SLC25A21: variants seen among roughly 807,000 people sequenced by gnomAD.
The protein encoded by SLC25A21 is solute carrier family 25 member 21, also known as mitochondrial 2-oxodicarboxylate carrier.
A neutral mutation model predicts 43.8 loss-of-function variants in SLC25A21; 47 were observed. The observed-to-expected ratio is 1.07, with a 90% CI of 0.85 to 1.37. The LOEUF (loss-of-function observed/expected upper bound fraction) is 1.37. Among genes scored for constraint, SLC25A21 ranks in the 40% most tolerant of loss-of-function variants. SLC25A21 has a pLI of 0.00. For missense variants in SLC25A21, 352 were observed against 350.2 expected, an observed-to-expected ratio of 1.00 and a Z score of -0.04; for synonymous variants, 131 against 121.3, an observed-to-expected ratio of 1.08 and a Z score of -0.52.
intron 1 of SLC25A21, among the ~76,000 whole-genome samples, chr14:36,969,670 T>C (rs1279847717): frequency 6.7e-6 from 1 of 148,346 alleles, no homozygotes; most frequent in Non-Finnish European, 1.5e-5. Flanking sequence ...AAAAAAAAAA[T>C]TTATGGAGAT....
chr14:37,137,702 T>G (rs546749422), intron 1 of SLC25A21, among the ~76,000 whole-genome samples: 1 of 152,352 alleles, frequency 6.6e-6, no homozygotes, highest in African/African-American at 2.4e-5. Context: ...ATCAATACTA[T>G]GTAGTCGGCC....
chr14:37,048,837 T>A (rs1961644646), intron 1 of SLC25A21, among the ~76,000 whole-genome samples: 1 of 152,222 alleles, frequency 6.6e-6, no homozygotes, highest in Admixed American at 6.5e-5. Flanking sequence ...ATTTAGCCAC[T>A]GAGACCAATA....
At chr14:37,037,519 A>T (rs1373839367) in intron 1 of SLC25A21, among the ~76,000 whole-genome samples, 1 of 151,858 alleles carries the variant, frequency 6.6e-6, no homozygotes, top group East Asian at 1.9e-4. Context: ...TGAGTTTGGA[A>T]TTCCTCCTGT....
At chr14:37,043,464 CCTTA>C (rs1961516993) in intron 1 of SLC25A21, among the ~76,000 whole-genome samples, 1 of 152,214 alleles carries the variant, frequency 6.6e-6, no homozygotes, top group Non-Finnish European at 1.5e-5. Flanking sequence ...TGTGAGCCCT[CCTTA>C]CTATCACCTC....
chr14:37,151,905 T>C (rs1963765408), intron 1 of SLC25A21, among the ~76,000 whole-genome samples: 1 of 152,048 alleles, frequency 6.6e-6, no homozygotes, highest in Admixed American at 6.6e-5. Context: ...CAGGGTGGCA[T>C]GTGCCTGTAA....
chr14:36,929,904 G>A (rs1892242087), intron 1 of SLC25A21, among the ~76,000 whole-genome samples: 1 of 152,100 alleles, frequency 6.6e-6, no homozygotes, highest in Admixed American at 6.6e-5. Flanking sequence ...CCAATATTGG[G>A]TTATTAGAAG....
At chr14:36,887,540 GC>G (rs1208501460) in intron 1 of SLC25A21, among the ~76,000 whole-genome samples, 3 of 142,904 alleles carry the variant, frequency 2.1e-5, no homozygotes, top group Admixed American at 7.3e-5. Context: ...TCCAGCCTGG[GC>G]AAGACAGCAA....
chr14:36,794,893 C>T (rs1266333599), intron 3 of SLC25A21, among the ~76,000 whole-genome samples: 2 of 151,422 alleles, frequency 1.3e-5, no homozygotes, highest in Non-Finnish European at 2.9e-5. Context: ...TAATTAAAAT[C>T]TCATAAATTT....
intron 1 of SLC25A21, among the ~76,000 whole-genome samples, chr14:37,015,329 A>G (rs919076116): frequency 1.3e-5 from 2 of 151,210 alleles, no homozygotes; most frequent in African/African-American, 4.9e-5. Flanking sequence ...GCTGAGAATG[A>G]TGATTTCCAA....
At chr14:36,872,971 T>C (rs1304062452) in intron 2 of SLC25A21, among the ~76,000 whole-genome samples, 1 of 152,186 alleles carries the variant, frequency 6.6e-6, no homozygotes, top group African/African-American at 2.4e-5. Flanking sequence ...TACACGTGTG[T>C]TGAATGGATG....
chr14:36,826,224 C>T (rs1369391727), intron 2 of SLC25A21, among the ~76,000 whole-genome samples: 1 of 152,138 alleles, frequency 6.6e-6, no homozygotes, highest in East Asian at 1.9e-4. Flanking sequence ...TTGAATAGTA[C>T]ACAAGGAGCC....
At chr14:37,069,039 TG>T (rs1962119634) in intron 1 of SLC25A21, among the ~76,000 whole-genome samples, 1 of 151,964 alleles carries the variant, frequency 6.6e-6, no homozygotes, top group Non-Finnish European at 1.5e-5. Context: ...TAGCCGGGCA[TG>T]GTGGCAGGAG....
intron 1 of SLC25A21, among the ~76,000 whole-genome samples, chr14:37,004,973 G>A (rs1960567385): frequency 6.7e-6 from 1 of 150,226 alleles, no homozygotes; most frequent in African/African-American, 2.5e-5. Context: ...CACCAGGCTG[G>A]AGTGCAGTGG....
At chr14:36,704,152 A>G (rs1883396910) in intron 7 of SLC25A21, among the ~76,000 whole-genome samples, 2 of 152,116 alleles carry the variant, frequency 1.3e-5, no homozygotes, top group Admixed American at 1.3e-4. Flanking sequence ...TCATTTTCAA[A>G]CTGGTAATGA....
intron 1 of SLC25A21, among the ~76,000 whole-genome samples, chr14:37,049,662 T>C (rs918979727): frequency 7.2e-5 from 11 of 152,174 alleles, no homozygotes; most frequent in African/African-American, 2.7e-4. Context: ...AGATATATAA[T>C]GAGACCCACA....
At chr14:36,983,118 T>C (rs1960067207) in intron 1 of SLC25A21, among the ~76,000 whole-genome samples, 1 of 152,216 alleles carries the variant, frequency 6.6e-6, no homozygotes, top group Non-Finnish European at 1.5e-5. Flanking sequence ...GAAAAGTTAC[T>C]TTTCTCTTCA....
At chr14:36,980,551 G>C (rs1959996609) in intron 1 of SLC25A21, among the ~76,000 whole-genome samples, 1 of 152,132 alleles carries the variant, frequency 6.6e-6, no homozygotes, top group Non-Finnish European at 1.5e-5. Context: ...ACTGAAGCTT[G>C]TGCAAGTGTC....
At chr14:37,015,038 C>A (rs1960816822) in intron 1 of SLC25A21, among the ~76,000 whole-genome samples, 1 of 151,356 alleles carries the variant, frequency 6.6e-6, no homozygotes, top group Non-Finnish European at 1.5e-5. Flanking sequence ...TGGCATAATT[C>A]TTTATTATTA....
chr14:36,897,334 C>T (rs1891271523), intron 1 of SLC25A21, among the ~76,000 whole-genome samples: 1 of 152,186 alleles, frequency 6.6e-6, no homozygotes, highest in Non-Finnish European at 1.5e-5. Flanking sequence ...ATCGAATCGG[C>T]TACTGAGGCT....
Sources: allele counts gnomAD v4.1 joint callset (sites outside exome capture counted in the v4.1 genomes callset), GRCh38; gene constraint gnomAD v4.1.1; transcripts MANE v1.5; gene names NCBI Gene and HGNC (gene_info 2026-07-23, HGNC 2026-07-21).